The following KAT2B variants were observed in gnomAD, a reference collection of about 807,000 sequenced individuals.
KAT2B encodes the protein lysine acetyltransferase 2B.
In KAT2B, 36 loss-of-function variants were observed where a neutral mutation model predicts 105.9. That is an observed-to-expected ratio of 0.34 (90% CI 0.26 to 0.45). The LOEUF (loss-of-function observed/expected upper bound fraction) is 0.45. Among genes scored for constraint, KAT2B ranks in the 20% least tolerant of loss-of-function variants. KAT2B has a pLI of 1.00. For synonymous variants in KAT2B, 397 were observed against 377.9 expected, an observed-to-expected ratio of 1.05 and a Z score of -0.59; for missense variants, 820 against 1,021.6, an observed-to-expected ratio of 0.80 and a Z score of 2.69.
chr3:20,072,253 T>G, intron 1 of KAT2B, 80 bp from the exon 2 acceptor site: 1 of 1,389,008 alleles, frequency 7.2e-7, no homozygotes, highest in Non-Finnish European at 1.0e-6. Flanking sequence ...ATATAATTAG[T>G]GTACATTGTT....
intron 1 of KAT2B, among the ~76,000 whole-genome samples, chr3:20,052,784 A>G (rs897104924): frequency 1.3e-5 from 2 of 152,198 alleles, no homozygotes; most frequent in African/African-American, 2.4e-5. Context: ...GCTGGCCAAC[A>G]TGGTGAAACC....
intron 1 of KAT2B, among the ~76,000 whole-genome samples, chr3:20,050,966 C>T (rs191702723): frequency 1.3e-5 from 2 of 151,920 alleles, no homozygotes; most frequent in East Asian, 1.9e-4. Flanking sequence ...TTTGAGAGGC[C>T]GAGGTGGGCA....
In KAT2B at chr3:20,108,656, A is replaced by G. The variant is rs982486239; in HGVS notation, c.852-2940A>G. Among the ~76,000 whole-genome samples the G allele has an allele frequency of 2.0e-5, 3 of 152,192 alleles. No individual in the cohort carries two copies. The East Asian group carries it at 5.8e-4, about 29-fold the overall frequency. ...GTTTGCAGCCTAAGAGCAATAGACT[A>G]GACCATAGAGCAGGGGTCCCCCACC... On this transcript the variant is annotated intron_variant, in intron 5 of 17. Transcript: ENST00000263754.
chr3:20,130,421 T>C (rs1468017563), intron 11 of KAT2B, among the ~76,000 whole-genome samples: 2 of 152,218 alleles, frequency 1.3e-5, no homozygotes, highest in Non-Finnish European at 2.9e-5. Context: ...TGTTTCCAAA[T>C]GTTCAAAGTT....
chr3:20,089,399 CTT>C (rs60958319), intron 2 of KAT2B, among the ~76,000 whole-genome samples: 48,955 of 122,836 alleles, frequency 0.4, 9,156 homozygotes, highest in African/African-American at 0.59. Context: ...GTCTTCTTCA[CTT>C]TTTTTTTTTT....
At chr3:20,048,895 G>A (rs1462182800) in intron 1 of KAT2B, among the ~76,000 whole-genome samples, 10 of 151,838 alleles carry the variant, frequency 6.6e-5, no homozygotes, top group Non-Finnish European at 1.0e-4. Flanking sequence ...TTTTTGAGAC[G>A]GAGTCTTGCT....
chr3:20,074,706 G>A (rs1288982258), intron 2 of KAT2B, among the ~76,000 whole-genome samples: 7 of 152,054 alleles, frequency 4.6e-5, no homozygotes, highest in Admixed American at 4.6e-4. Context: ...TCTTGTTTGG[G>A]GATCTCAGCT....
chr3:20,067,305 C>A (rs749111004), intron 1 of KAT2B, among the ~76,000 whole-genome samples: 1 of 151,854 alleles, frequency 6.6e-6, no homozygotes, highest in African/African-American at 2.4e-5. Context: ...TCAACACGTG[C>A]GGTTAATATT....
chr3:20,070,763 C>T (rs961118862), intron 1 of KAT2B, among the ~76,000 whole-genome samples: 2 of 151,566 alleles, frequency 1.3e-5, no homozygotes, highest in Non-Finnish European at 2.9e-5. Context: ...AATACCTGCA[C>T]TTTGGGAGGC....
chr3:20,137,642 T>G (rs554344790), intron 12 of KAT2B: 1 of 154,926 alleles, frequency 6.5e-6, no homozygotes, highest in African/African-American at 2.4e-5. Context: ...GCTCAGGTGA[T>G]TCTCCCACCT....
At chr3:20,094,579 G>T (rs1165462209) in intron 2 of KAT2B, among the ~76,000 whole-genome samples, 4 of 152,176 alleles carry the variant, frequency 2.6e-5, no homozygotes, top group African/African-American at 4.8e-5. Context: ...AGGGATGAGT[G>T]AGGAGAGAGT....
chr3:20,064,473 G>A (rs529142773), intron 1 of KAT2B, among the ~76,000 whole-genome samples: 49 of 152,316 alleles, frequency 3.2e-4, no homozygotes, highest in Admixed American at 5.9e-4. Flanking sequence ...TGGTTAGAGA[G>A]ATCTTATTGG....
At chr3:20,042,116 C>T (rs1279994141) in intron 1 of KAT2B, among the ~76,000 whole-genome samples, 2 of 152,176 alleles carry the variant, frequency 1.3e-5, no homozygotes, top group African/African-American at 2.4e-5. Context: ...GATTATGAAT[C>T]AGGTGGTCTG....
chr3:20,096,439 A>G (rs1372026028), intron 3 of KAT2B, among the ~76,000 whole-genome samples: 1 of 152,068 alleles, frequency 6.6e-6, no homozygotes, highest in Non-Finnish European at 1.5e-5. Context: ...TAGATCTATA[A>G]AGGAGGCTGC....
At chr3:20,120,626 A>G (rs1699291628) in intron 8 of KAT2B, among the ~76,000 whole-genome samples, 1 of 152,154 alleles carries the variant, frequency 6.6e-6, no homozygotes, top group South Asian at 2.1e-4. Flanking sequence ...CTTTCGTAGG[A>G]ATAACTGCAA....
chr3:20,064,642 T>G lies in KAT2B; in HGVS notation c.304-7691T>G, dbSNP rs539287019. Among the ~76,000 whole-genome samples the G allele has an allele frequency of 3.3e-5, 5 of 152,268 alleles. No homozygotes were observed. In the South Asian group the frequency reaches 1.0e-3, roughly 32 times the overall value. ...TTGTGCATCTGCAGGGTAGAATGAG[T>G]AACCCCAGGCAAGTCTCTTATCACC... On this transcript the variant is annotated intron_variant, in intron 1 of 17. Coordinates refer to ENST00000263754, the MANE Select transcript of KAT2B (RefSeq NM_003884.5).
intron 1 of KAT2B, among the ~76,000 whole-genome samples, chr3:20,046,428 G>A (rs1176421743): frequency 1.3e-5 from 2 of 152,020 alleles, no homozygotes; most frequent in Admixed American, 6.6e-5. Context: ...CAAAAATTAC[G>A]AAAATTAGCC....
At chr3:20,103,936 G>A (rs1470535035) in intron 5 of KAT2B, among the ~76,000 whole-genome samples, 1 of 152,112 alleles carries the variant, frequency 6.6e-6, no homozygotes, top group African/African-American at 2.4e-5. Flanking sequence ...CATGACTTTT[G>A]TGAGTATTCC....
chr3:20,053,389 G>T (rs1296987138), intron 1 of KAT2B, among the ~76,000 whole-genome samples: 1 of 152,140 alleles, frequency 6.6e-6, no homozygotes, highest in Non-Finnish European at 1.5e-5. Flanking sequence ...ACAAAAATTA[G>T]CTGGGCATGG....
Sources: gnomAD v4.1 joint callset for allele counts (sites outside exome capture counted in the v4.1 genomes callset) on GRCh38, gnomAD v4.1.1 for gene constraint, MANE v1.5 for transcripts, NCBI Gene and HGNC (gene_info 2026-07-23, HGNC 2026-07-21) for gene names.